RASSF6: variants seen among roughly 807,000 people sequenced by gnomAD.
The protein encoded by RASSF6 is ras association domain-containing protein 6.
Under a neutral mutation model 44.0 loss-of-function variants are expected in RASSF6, and 52 were observed. The observed-to-expected ratio is 1.18, with a 90% CI of 0.95 to 1.49. The LOEUF (loss-of-function observed/expected upper bound fraction) is 1.49, where lower values mean the gene tolerates loss of function less well. Among genes scored for constraint, RASSF6 ranks in the 40% most tolerant of loss-of-function variants. The probability of loss-of-function intolerance (pLI) is 0.00; values close to 1 mark genes in which losing one functional copy is unlikely to be tolerated. For synonymous variants in RASSF6, 162 were observed against 124.6 expected (o/e 1.30, Z -2.00); for missense variants, 464 against 393.3 (o/e 1.18, Z -1.52).
At chr4:73,601,443 G>A (rs1051668512) in intron 2 of RASSF6, among the ~76,000 whole-genome samples, 4 of 152,202 alleles carry the variant, frequency 2.6e-5, no homozygotes, top group Non-Finnish European at 5.9e-5. Context: ...GTAATCCACT[G>A]TGTAATACAG....
chr4:73,586,092 A>G (rs1724066483), intron 5 of RASSF6, among the ~76,000 whole-genome samples: 1 of 149,780 alleles, frequency 6.7e-6, no homozygotes, highest in Admixed American at 6.7e-5. Context: ...TTGAGAAGCT[A>G]TTTATATGGT....
intron 1 of RASSF6, among the ~76,000 whole-genome samples, chr4:73,613,121 G>T (rs1287656325): frequency 6.6e-6 from 1 of 152,062 alleles, no homozygotes; most frequent in Non-Finnish European, 1.5e-5. Context: ...TGTCATTATT[G>T]ATTTATACCT....
chr4:73,596,663 C>T (rs1724961056), intron 3 of RASSF6, among the ~76,000 whole-genome samples: 1 of 152,032 alleles, frequency 6.6e-6, no homozygotes, highest in Non-Finnish European at 1.5e-5. Context: ...CCTGAATAGC[C>T]AAGGCAATCC....
Position 73,599,906 on chromosome 4 carries a change from T to C in RASSF6, c.66-1188A>G, listed in dbSNP as rs140389287. Among the ~76,000 whole-genome samples, 1,090 of 152,196 alleles carry C rather than the reference T, an allele frequency of 7.2e-3. 3 individuals carry two copies. Among genetic ancestry groups the C allele is most frequent in the Middle Eastern group, 0.024 (7 of 294 alleles). On this transcript the variant is annotated intron_variant, in intron 2 of 10. Transcript: ENST00000307439. The stretch of plus-strand genomic sequence containing the variant: ...TTCCTCCCACCCTTCCCTCACTTCA[T>C]GCAACCACCAGCCTCCCTGGTGTTC...
Position 73,593,454 on chromosome 4 carries a change from T to C in RASSF6, c.284A>G (p.Lys95Arg), listed in dbSNP as rs369603960. 1.9e-6 allele frequency: 3 copies of C among 1,600,940 alleles called. No homozygotes were observed. Among genetic ancestry groups the C allele is most frequent in the African/African-American group, 1.3e-5 (1 of 74,212 alleles). Residue 95 changes from lysine to arginine, a missense_variant, in exon 4 of 11, where the codon AAA becomes AGA. By Grantham distance (26) the Lys-to-Arg change is conservative. Coordinates refer to ENST00000307439, the MANE Select transcript of RASSF6 (RefSeq NM_177532.5). ...AAAAACATGAAAGATAGCTTACCCT[T>C]TGCTGGAGAAGACGTCTGATGACTT... ...SMKSSDVFSSKGMTRWGEFDD... is the reference protein window; with the variant it reads ...SMKSSDVFSSRGMTRWGEFDD...
chr4:73,593,379 T>G, intron 4 of RASSF6, 72 bp downstream of exon 4: 1 of 1,397,322 alleles, frequency 7.2e-7, no homozygotes, highest in South Asian at 1.3e-5. Flanking sequence ...TTTCCCTCCT[T>G]AAGAGTGCAC....
chr4:73,593,817 A>G (rs1248097143), intron 3 of RASSF6, among the ~76,000 whole-genome samples: 1 of 152,214 alleles, frequency 6.6e-6, no homozygotes, highest in Non-Finnish European at 1.5e-5. Flanking sequence ...GTAAATCATA[A>G]TGGTAATGGC....
chr4:73,595,468 G>A (rs190287942), intron 3 of RASSF6, among the ~76,000 whole-genome samples: 35 of 152,122 alleles, frequency 2.3e-4, no homozygotes, highest in Non-Finnish European at 4.6e-4. Flanking sequence ...CAAAGTGCTG[G>A]GATTATAGGC....
At chr4:73,615,324 C>T (rs1179378405) in intron 1 of RASSF6, among the ~76,000 whole-genome samples, 1 of 150,124 alleles carries the variant, frequency 6.7e-6, no homozygotes, top group Non-Finnish European at 1.5e-5. Flanking sequence ...CCTGCTAGGG[C>T]CCTTGTGAAA....
intron 4 of RASSF6, among the ~76,000 whole-genome samples, chr4:73,589,630 TC>T (rs1207956026): frequency 1.3e-5 from 2 of 151,984 alleles, no homozygotes; most frequent in Non-Finnish European, 2.9e-5. Context: ...AGTTTTCAGC[TC>T]TGGATTGTGT....
At chr4:73,594,561 T>C (rs1348195233) in intron 3 of RASSF6, among the ~76,000 whole-genome samples, 2 of 152,204 alleles carry the variant, frequency 1.3e-5, no homozygotes, top group East Asian at 3.8e-4. Flanking sequence ...TGATAACCCC[T>C]AATTCACAGC....
chr4:73,588,806 C>CATCATCATA (rs1287229576), intron 4 of RASSF6, among the ~76,000 whole-genome samples: 9 of 151,672 alleles, frequency 5.9e-5, no homozygotes, highest in Non-Finnish European at 1.0e-4. Context: ...TCATCATCAT[C>CATCATCATA]ATCATCATCA....
chr4:73,578,299 T>G (rs1046863560), intron 8 of RASSF6, among the ~76,000 whole-genome samples: 7 of 152,212 alleles, frequency 4.6e-5, no homozygotes, highest in Admixed American at 4.6e-4. Context: ...GAGGTGCATG[T>G]GAATGGAATC....
At chr4:73,586,512 G>A (rs1578028830) in intron 5 of RASSF6, among the ~76,000 whole-genome samples, 1 of 151,786 alleles carries the variant, frequency 6.6e-6, no homozygotes, top group East Asian at 1.9e-4. Flanking sequence ...CTTTCTGCTT[G>A]TATACAATTG....
intron 4 of RASSF6, among the ~76,000 whole-genome samples, chr4:73,591,267 T>A (rs1003143392): frequency 1.3e-5 from 2 of 152,200 alleles, no homozygotes; most frequent in Admixed American, 1.3e-4. Context: ...GAATTATTAT[T>A]TGTCAATTAA....
intron 1 of RASSF6, among the ~76,000 whole-genome samples, chr4:73,616,276 T>C (rs1248996928): frequency 6.6e-6 from 1 of 152,108 alleles, no homozygotes; most frequent in Non-Finnish European, 1.5e-5. Context: ...TATACATATA[T>C]ATACAGGTGC....
intron 3 of RASSF6, among the ~76,000 whole-genome samples, chr4:73,595,289 G>A (rs1724856322): frequency 6.6e-6 from 1 of 152,148 alleles, no homozygotes; most frequent in African/African-American, 2.4e-5. Flanking sequence ...CCACCTCCTG[G>A]TTCAGGTGAT....
intron 6 of RASSF6, 43 bp from the exon 7 acceptor site, chr4:73,582,333 A>G (rs1314007396): frequency 3.1e-6 from 3 of 971,938 alleles, no homozygotes; most frequent in Admixed American, 2.4e-5. Flanking sequence ...ATTATATTAT[A>G]TTAAGGGTAT....
intron 8 of RASSF6, among the ~76,000 whole-genome samples, chr4:73,578,863 C>T (rs1011620075): frequency 3.4e-4 from 52 of 151,980 alleles, no homozygotes; most frequent in African/African-American, 1.2e-3. Context: ...CCGCCCACCT[C>T]GGCCTGCCAA....
Sources: allele counts gnomAD v4.1 joint callset (sites outside exome capture counted in the v4.1 genomes callset), GRCh38; gene constraint gnomAD v4.1.1; transcripts MANE v1.5; gene names NCBI Gene and HGNC (gene_info 2026-07-23, HGNC 2026-07-21).